The following CRAT variants were observed in gnomAD, a reference collection of about 807,000 sequenced individuals.
The protein encoded by CRAT is carnitine acetylase.
CRAT carries 66 observed loss-of-function variants against 73.7 expected under a neutral mutation model. The observed-to-expected ratio is 0.90, with a 90% confidence interval of 0.73 to 1.10. CRAT has a LOEUF of 1.10. CRAT is among the 50% of genes least tolerant of loss of function. The pLI, the probability that CRAT is intolerant of heterozygous loss-of-function variation, is 0.00. For synonymous variants in CRAT, 321 were observed against 343.2 expected (o/e 0.94, Z 0.71); for missense variants, 745 against 846.9 (o/e 0.88, Z 1.49).
chr9:129,100,353 C>G, intron 7 of CRAT, 158 bp downstream of exon 7: 1 of 887,032 alleles, frequency 1.1e-6, no homozygotes, highest in South Asian at 1.8e-5. Flanking sequence ...GACAGGCTGG[C>G]TGCCTGGTAA....
chr9:129,101,782 T>C, intron 6 of CRAT, 101 bp downstream of exon 6: 1 of 1,377,852 alleles, frequency 7.3e-7, no homozygotes, highest in Non-Finnish European at 9.9e-7. Context: ...CATTCCTTTG[T>C]TGCCAGCAGA....
At chr9:129,095,764 G>T in intron 13 of CRAT, 152 bp from the exon 14 acceptor site, 1 of 954,524 alleles carries the variant, frequency 1.0e-6, no homozygotes, top group Non-Finnish European at 1.5e-6. Flanking sequence ...CTACAGGCTG[G>T]CACGAATCAA....
chr9:129,100,142 C>T, intron 7 of CRAT, 176 bp from the exon 8 acceptor site: 3 of 594,812 alleles, frequency 5.0e-6, no homozygotes, highest in East Asian at 2.8e-5. Context: ...GTGCTAAGCA[C>T]ATCCCACGCT....
Position 129,095,437 on chromosome 9 carries a change from A to C in CRAT, c.1841T>G (p.Met614Arg). 6.2e-7 allele frequency: 1 copy of C among 1,612,968 alleles called. No individual in the cohort carries two copies. Residue 614 changes from methionine (M) to arginine (R), a missense_variant, in exon 14 of 14, where the codon ATG becomes AGG. Coordinates refer to ENST00000318080, the MANE Select transcript of CRAT (RefSeq NM_000755.5). ...GGGGTGGCTCTGCAGCAGGGCACGC[A>C]TGTCCAGGAGCGCCTTCTCCAGGTA... ...AHYLEKALLD[M>R]RALLQSHPRA...
In CRAT at chr9:129,110,437, G is replaced by A. The variant is rs1282998903; in HGVS notation, c.27+46C>T. ...GTTCCCGGACGCAACCGCACGGCCC[G>A]CCCAGGCCGTCCAGGGCCCTCAGGC... On this transcript the variant is annotated intron_variant, in intron 1 of 13. Coordinates refer to ENST00000318080, the MANE Select transcript of CRAT (RefSeq NM_000755.5). This position sits in a 1 kb window ranked among gnomAD's most constrained non-coding sequence, Gnocchi z 5.3. 1.0e-5 allele frequency: 16 copies of A among 1,528,160 alleles called. No individual in the cohort carries two copies. Among genetic ancestry groups the A allele is most frequent in the East Asian group, 2.7e-5 (1 of 37,496 alleles). The allele number at this position is 1,528,160 out of a possible 1,614,324, so 94.7% of individuals were successfully genotyped here.
chr9:129,098,746 AG>A (rs1263412036), intron 8 of CRAT, 96 bp from the exon 9 acceptor site: 3 of 1,438,212 alleles, frequency 2.1e-6, no homozygotes, highest in African/African-American at 1.5e-5. Context: ...CTGAAGCTGG[AG>A]GGGGCCAGCC....
At position 129,101,952 on chromosome 9, in the gene CRAT, C is replaced by T; in HGVS notation, c.736G>A (p.Glu246Lys). 6.2e-7 allele frequency: 1 copy of T among 1,614,184 alleles called. No homozygotes were observed. The highest frequency in any genetic ancestry group is 8.5e-7 in the Non-Finnish European group (1 of 1,180,032). The change falls in exon 6 of 14, where the codon GAG (glutamate) becomes AAG (lysine). Residue 246 changes from glutamate to lysine, a missense_variant. Glu to Lys is a moderately conservative substitution (Grantham distance 56). Coordinates refer to ENST00000318080, the MANE Select transcript of CRAT (RefSeq NM_000755.5). ...IWNSSLQTNK[E>K]PVGILTSNHR... ...TTGGAGGTGAGGATGCCCACAGGCT[C>T]CTTGTTGGTCTGTAGGGATGAGTTC...
rs779046935 is a variant in CRAT, at chr9:129,107,603, T to G, written c.291+211A>C. ...TGTCCACAACCTGTATCCTGTTCAT[T>G]ACCTTTCTCTCCTCCCTACTTGAAT... On this transcript the variant is annotated intron_variant, in intron 2 of 13. Coordinates refer to ENST00000318080, the MANE Select transcript of CRAT (RefSeq NM_000755.5). The surrounding 1 kb of genome is among the most constrained non-coding windows in gnomAD (Gnocchi z 5.0). The G allele has an allele frequency of 2.7e-6, 2 of 751,246 alleles. No individual in the cohort carries two copies. Among genetic ancestry groups the G allele is most frequent in the African/African-American group, 3.5e-5 (2 of 57,932 alleles). The allele number at this position is 751,246 out of a possible 1,614,324, so 46.5% of individuals were successfully genotyped here. A position where few individuals can be genotyped will look rare whatever the true frequency, so the allele number is the denominator to read the frequency against.
At chr9:129,095,890 G>T in intron 13 of CRAT, 108 bp downstream of exon 13, 1 of 1,480,214 alleles carries the variant, frequency 6.8e-7, no homozygotes. Context: ...CTCCTCCTCT[G>T]GAACTCAGCT....
Position 129,107,074 on chromosome 9 carries a change from C to A in CRAT, c.291+740G>T, listed in dbSNP as rs922221934. Among the ~76,000 whole-genome samples, 3 of 152,100 alleles carry A rather than the reference C, an allele frequency of 2.0e-5. No homozygotes were observed. The highest frequency in any genetic ancestry group is 7.2e-5 in the African/African-American group (3 of 41,414). ...CCCAAGACAGAGTCTTGCTCTGTCG[C>A]CCAGGCTGGAGTGCAGTGGCACAAT... is the stretch of plus-strand genomic sequence containing the variant. On this transcript the variant is annotated intron_variant, in intron 2 of 13. Coordinates refer to ENST00000318080, the MANE Select transcript of CRAT (RefSeq NM_000755.5). The surrounding 1 kb of genome is among the most constrained non-coding windows in gnomAD (Gnocchi z 5.0).
At chr9:129,096,336 G>C (rs1847281669) in intron 12 of CRAT, among the ~76,000 whole-genome samples, 1 of 152,272 alleles carries the variant, frequency 6.6e-6, no homozygotes, top group South Asian at 2.1e-4. Context: ...TGCCCAGGGA[G>C]GCAGGAAAGT....
chr9:129,109,099 G>T, intron 1 of CRAT: 1 of 1,294,338 alleles, frequency 7.7e-7, no homozygotes, highest in African/African-American at 1.5e-5. Flanking sequence ...CAGTAGAAGG[G>T]AACCTGGAAA....
rs865947133 is a variant in CRAT, at chr9:129,107,047, T to C, written c.291+767A>G. On this transcript the variant is annotated intron_variant, in intron 2 of 13. Transcript: ENST00000318080. This position sits in a 1 kb window ranked among gnomAD's most constrained non-coding sequence, Gnocchi z 5.0. ...CCAGCAGCTGGGTCACCTTTTTTTT[T>C]TCCCAAGACAGAGTCTTGCTCTGTC... 1.9e-4 allele frequency among the ~76,000 whole-genome samples: 29 copies of C among 152,068 alleles called. No homozygotes were observed. The highest frequency in any genetic ancestry group is 7.0e-4 in the African/African-American group (29 of 41,420).
intron 1 of CRAT, chr9:129,108,865 A>G (rs2768629): frequency 1 from 1,302,625 of 1,303,596 alleles, 650,837 homozygotes; most frequent in East Asian, 1. Flanking sequence ...CTACAAAGTG[A>G]GTGAGCAGAA....
chr9:129,102,329 C>T, intron 5 of CRAT, 71 bp downstream of exon 5: 1 of 1,590,034 alleles, frequency 6.3e-7, no homozygotes, highest in South Asian at 1.1e-5. Flanking sequence ...AGTGGGGAAG[C>T]CGACTGCGGC....
chr9:129,096,224 G>A lies in CRAT; in HGVS notation c.1528-89C>T, dbSNP rs1214863416. ...TCAGCCTGTGGCAGCGCCACCCTTC[G>A]CAGGCACTGGCCACTCAAAACCACA... On this transcript the variant is annotated intron_variant, in intron 12 of 13. Transcript: ENST00000318080. 7.3e-6 allele frequency: 11 copies of A among 1,516,384 alleles called. No homozygotes were observed. In the Admixed American group the frequency reaches 8.6e-5, roughly 12 times the overall value. The allele number at this position is 1,516,384 out of a possible 1,614,324, so 93.9% of individuals were successfully genotyped here.
rs748464476 is a variant in CRAT, at chr9:129,103,934, C to T, written c.410+254G>A. Among the ~76,000 whole-genome samples the T allele has an allele frequency of 6.6e-5, 10 of 152,034 alleles. No individual in the cohort carries two copies. The highest frequency in any genetic ancestry group is 1.2e-4 in the Non-Finnish European group (8 of 68,008). The stretch of plus-strand genomic sequence containing the variant: ...GGTATGGAGGAGGATGGGGCCTCTG[C>T]GAAGATGTGGTGGTTAACAGCCATG... On this transcript the variant is annotated intron_variant, in intron 3 of 13. Coordinates refer to ENST00000318080, the MANE Select transcript of CRAT (RefSeq NM_000755.5). This position sits in a 1 kb window ranked among gnomAD's most constrained non-coding sequence, Gnocchi z 4.6.
At chr9:129,109,543 G>GTCCC (rs764650031) in intron 1 of CRAT, among the ~76,000 whole-genome samples, 2 of 152,220 alleles carry the variant, frequency 1.3e-5, no homozygotes, top group Non-Finnish European at 2.9e-5. Flanking sequence ...CTCTGGGCAA[G>GTCCC]TCCCTCCTTG....
chr9:129,102,980 G>A (rs71499446), intron 4 of CRAT, 33 bp downstream of exon 4: 3 of 1,595,390 alleles, frequency 1.9e-6, no homozygotes, highest in African/African-American at 1.3e-5. Context: ...GGCCTGGGCA[G>A]GTGTGGGGCT....
Sources: gnomAD v4.1 joint callset for allele counts (sites outside exome capture counted in the v4.1 genomes callset) on GRCh38, gnomAD v4.1.1 for gene constraint, Gnocchi (gnomAD v3.1) non-coding constraint, MANE v1.5 for transcripts, NCBI Gene and HGNC (gene_info 2026-07-23, HGNC 2026-07-21) for gene names.